The following FHIP1A variants were observed in gnomAD, a reference collection of about 807,000 sequenced individuals.
FHIP1A encodes FHF complex subunit HOOK interacting protein 1A.
Under a neutral mutation model 88.6 loss-of-function variants are expected in FHIP1A, and 61 were observed. The ratio of observed to expected loss-of-function variants is 0.69; its 90% CI spans 0.56 to 0.85. The LOEUF (loss-of-function observed/expected upper bound fraction) is 0.85. Ranked by LOEUF, FHIP1A falls within the 40% of genes least tolerant of loss-of-function variation. The pLI, the probability that FHIP1A is intolerant of heterozygous loss-of-function variation, is 0.00. For missense variants in FHIP1A, 1,154 were observed against 1,273.5 expected (o/e 0.91, Z 1.43); for synonymous variants, 478 against 496.0 (o/e 0.96, Z 0.48).
intron 7 of FHIP1A, among the ~76,000 whole-genome samples, chr4:151,619,103 A>G (rs934109404): frequency 3.3e-5 from 5 of 152,214 alleles, no homozygotes; most frequent in African/African-American, 1.2e-4. Context: ...CAGGTCAGCT[A>G]GCCAGCTCTC....
At chr4:151,634,234 G>T (rs1485805633) in intron 8 of FHIP1A, among the ~76,000 whole-genome samples, 3 of 151,704 alleles carry the variant, frequency 2.0e-5, no homozygotes, top group African/African-American at 7.2e-5. Context: ...CTTGTGCACT[G>T]AAAACTACAA....
chr4:151,481,456 A>G (rs1041540585), intron 2 of FHIP1A, among the ~76,000 whole-genome samples: 3 of 152,060 alleles, frequency 2.0e-5, no homozygotes, highest in Non-Finnish European at 4.4e-5. Context: ...ACAGTTTGTG[A>G]CAAACTGACT....
chr4:151,478,620 A>G, intron 2 of FHIP1A, among the ~76,000 whole-genome samples: 1 of 152,156 alleles, frequency 6.6e-6, no homozygotes, highest in East Asian at 1.9e-4. Context: ...AAAGATGTCA[A>G]ATAATATTGG....
intron 2 of FHIP1A, among the ~76,000 whole-genome samples, chr4:151,465,982 C>T (rs1313918259): frequency 2.0e-5 from 3 of 151,816 alleles, no homozygotes; most frequent in East Asian, 1.9e-4. Flanking sequence ...TGGCCTCTCT[C>T]ACCACTCCTA....
intron 4 of FHIP1A, among the ~76,000 whole-genome samples, chr4:151,575,902 AC>A (rs1243931618): frequency 6.6e-6 from 1 of 152,180 alleles, no homozygotes; most frequent in Non-Finnish European, 1.5e-5. Flanking sequence ...AGAACATGTA[AC>A]AGCACATCAT....
intron 7 of FHIP1A, among the ~76,000 whole-genome samples, chr4:151,604,176 T>G (rs1459341183): frequency 6.6e-6 from 1 of 152,016 alleles, no homozygotes; most frequent in Non-Finnish European, 1.5e-5. Context: ...AAGACCAGCC[T>G]AAATCCCACA....
At chr4:151,546,297 T>C (rs906061516) in intron 3 of FHIP1A, among the ~76,000 whole-genome samples, 2 of 152,200 alleles carry the variant, frequency 1.3e-5, no homozygotes, top group African/African-American at 4.8e-5. Context: ...CCTTTGGCCT[T>C]AGACTAAGAA....
intron 8 of FHIP1A, among the ~76,000 whole-genome samples, chr4:151,633,650 A>G (rs1736238588): frequency 6.6e-6 from 1 of 151,968 alleles, no homozygotes; most frequent in South Asian, 2.1e-4. Context: ...ATACTTCACC[A>G]TATGAAAGTC....
rs567356746 is a variant in FHIP1A at position 151,556,916 on chromosome 4, C to T, written c.-122-9222C>T. On this transcript the variant is annotated intron_variant, in intron 3 of 13. Coordinates refer to ENST00000435205, the MANE Select transcript of FHIP1A (RefSeq NM_001109977.3). ...AGTGCCTACTGCTTTGTTGGATATT[C>T]AGCTGTTTTGTCCAACTTAATGAGA... Among the ~76,000 whole-genome samples the T allele has an allele frequency of 1.1e-4, 16 of 152,028 alleles. No homozygotes were observed. The South Asian group carries it at 3.1e-3, about 30-fold the overall frequency.
intron 3 of FHIP1A, among the ~76,000 whole-genome samples, chr4:151,526,212 C>G (rs918780386): frequency 1.3e-5 from 2 of 152,240 alleles, no homozygotes; most frequent in Non-Finnish European, 2.9e-5. Flanking sequence ...CCACCCTTCC[C>G]CCCTTTCTAT....
chr4:151,519,749 G>GT (rs1279149596), intron 3 of FHIP1A, among the ~76,000 whole-genome samples: 1 of 152,026 alleles, frequency 6.6e-6, no homozygotes, highest in African/African-American at 2.4e-5. Context: ...TTTCAAAGTG[G>GT]TTTTTTTATT....
At chr4:151,433,583 G>A (rs1733674701) in intron 1 of FHIP1A, among the ~76,000 whole-genome samples, 1 of 152,074 alleles carries the variant, frequency 6.6e-6, no homozygotes, top group African/African-American at 2.4e-5. Flanking sequence ...AATGAAAATG[G>A]GATTTTAGCT....
At chr4:151,608,679 A>G (rs1200629359) in intron 7 of FHIP1A, among the ~76,000 whole-genome samples, 1 of 152,102 alleles carries the variant, frequency 6.6e-6, no homozygotes, top group Non-Finnish European at 1.5e-5. Flanking sequence ...GGTTCTAGTT[A>G]TGTGTGCTGT....
intron 1 of FHIP1A, among the ~76,000 whole-genome samples, chr4:151,444,212 C>A (rs988868858): frequency 3.3e-5 from 5 of 152,058 alleles, no homozygotes; most frequent in Non-Finnish European, 7.4e-5. Flanking sequence ...ATGGAATTCT[C>A]CCATTTTGTT....
chr4:151,634,757 A>G (rs1026655714), intron 8 of FHIP1A, among the ~76,000 whole-genome samples: 1 of 151,912 alleles, frequency 6.6e-6, no homozygotes, highest in African/African-American at 2.4e-5. Context: ...TTAACTCAAA[A>G]TGTATCAAAG....
At chr4:151,652,111 A>G (rs1306827436) in intron 11 of FHIP1A, among the ~76,000 whole-genome samples, 1 of 152,128 alleles carries the variant, frequency 6.6e-6, no homozygotes, top group Non-Finnish European at 1.5e-5. Context: ...CTTACAGAGG[A>G]GCTTCATTCC....
chr4:151,621,550 AG>A (rs1275222637), intron 7 of FHIP1A, among the ~76,000 whole-genome samples: 2 of 4,406 alleles, frequency 4.5e-4, no homozygotes, highest in Non-Finnish European at 4.4e-4. Flanking sequence ...TGTGTGTGGC[AG>A]GGGGTGGTGG....
Position 151,447,034 on chromosome 4 carries a change from A to G in FHIP1A, c.-355-7667A>G, listed in dbSNP as rs186620768. Among the ~76,000 whole-genome samples, 897 of 152,278 alleles carry G rather than the reference A, an allele frequency of 5.9e-3. 10 individuals are homozygous for G. The highest frequency in any genetic ancestry group is 0.01 in the Middle Eastern group (3 of 294). ...TTAATTAGTAACCATTCTTTTTTCC[A>G]TTTAATGATTTACCCTGAAGTTAAC... On this transcript the variant is annotated intron_variant, in intron 1 of 13. Transcript: ENST00000435205.
chr4:151,507,975 G>C (rs1250934141), intron 3 of FHIP1A, among the ~76,000 whole-genome samples: 1 of 152,212 alleles, frequency 6.6e-6, no homozygotes, highest in African/African-American at 2.4e-5. Flanking sequence ...GAATCTGAAG[G>C]ATTCTGAAGA....
Sources: gnomAD v4.1 joint callset for allele counts (sites outside exome capture counted in the v4.1 genomes callset) on GRCh38, gnomAD v4.1.1 for gene constraint, MANE v1.5 for transcripts, NCBI Gene and HGNC (gene_info 2026-07-23, HGNC 2026-07-21) for gene names.